The following NMNAT3 variants were observed in gnomAD, a reference collection of about 807,000 sequenced individuals.
NMNAT3 encodes the protein nicotinamide nucleotide adenylyltransferase 3.
In NMNAT3, 21 loss-of-function variants were observed where a neutral mutation model predicts 24.8. The ratio of observed to expected loss-of-function variants is 0.85; its 90% CI spans 0.60 to 1.22. The LOEUF (loss-of-function observed/expected upper bound fraction) is 1.22, where lower values mean the gene tolerates loss of function less well. Among genes scored for constraint, NMNAT3 ranks in the 50% most tolerant of loss-of-function variants. The pLI, the probability that NMNAT3 is intolerant of heterozygous loss-of-function variation, is 0.00. For missense variants in NMNAT3, 387 were observed against 436.6 expected (o/e 0.89, Z 1.01); for synonymous variants, 136 against 155.2 (o/e 0.88, Z 0.92).
At chr3:139,613,168 A>G (rs2055312419) in intron 3 of NMNAT3, among the ~76,000 whole-genome samples, 1 of 152,216 alleles carries the variant, frequency 6.6e-6, no homozygotes, top group African/African-American at 2.4e-5. Context: ...TCCGCACAGC[A>G]AAAGAAACTA....
intron 1 of NMNAT3, among the ~76,000 whole-genome samples, chr3:139,668,789 G>C (rs1431932863): frequency 2.0e-5 from 3 of 152,120 alleles, no homozygotes; most frequent in Admixed American, 2.0e-4. Context: ...ATCAGGCTTG[G>C]GTATCAGTCA....
At chr3:139,622,322 T>C (rs1416030986) in intron 3 of NMNAT3, among the ~76,000 whole-genome samples, 1 of 152,174 alleles carries the variant, frequency 6.6e-6, no homozygotes, top group Non-Finnish European at 1.5e-5. Flanking sequence ...TTTGCATTTC[T>C]CTGATGATTA....
At chr3:139,631,720 A>G (rs2056306335) in intron 2 of NMNAT3, among the ~76,000 whole-genome samples, 1 of 151,782 alleles carries the variant, frequency 6.6e-6, no homozygotes, top group South Asian at 2.1e-4. Context: ...CAAGCACAAC[A>G]TGCTGCTTCT....
intron 2 of NMNAT3, among the ~76,000 whole-genome samples, chr3:139,633,418 G>A (rs2056379433): frequency 6.6e-6 from 1 of 152,124 alleles, no homozygotes; most frequent in East Asian, 1.9e-4. Context: ...AACCTCAGGT[G>A]ATCTGCCTGC....
intron 3 of NMNAT3, among the ~76,000 whole-genome samples, chr3:139,591,717 C>T (rs1329925659): frequency 6.6e-6 from 1 of 152,190 alleles, no homozygotes; most frequent in Non-Finnish European, 1.5e-5. Context: ...AGACTGACAC[C>T]TCACAAGGCC....
At chr3:139,638,288 C>T (rs1212210040) in intron 1 of NMNAT3, among the ~76,000 whole-genome samples, 1 of 152,170 alleles carries the variant, frequency 6.6e-6, no homozygotes, top group Non-Finnish European at 1.5e-5. Context: ...CATCCAAGGA[C>T]CCTGATTCCT....
intron 3 of NMNAT3, among the ~76,000 whole-genome samples, chr3:139,612,558 T>C (rs143400518): frequency 6.6e-6 from 1 of 152,324 alleles, no homozygotes; most frequent in East Asian, 1.9e-4. Context: ...TCTAAATGCA[T>C]GCATCCCTCT....
intron 4 of NMNAT3, among the ~76,000 whole-genome samples, chr3:139,580,791 G>A (rs941636391): frequency 1.3e-5 from 2 of 151,288 alleles, no homozygotes; most frequent in African/African-American, 4.9e-5. Flanking sequence ...GAAATTTACT[G>A]GCATAAAGTT....
chr3:139,571,178 G>C (rs568961009), intron 6 of NMNAT3: 171 of 152,388 alleles, frequency 1.1e-3, no homozygotes, highest in African/African-American at 4.0e-3. Context: ...CTGGTGTGCC[G>C]TTTTTTAAGC....
intron 2 of NMNAT3, chr3:139,635,688 A>G (rs2108337881): frequency 6.6e-6 from 1 of 152,362 alleles, no homozygotes; most frequent in East Asian, 1.9e-4. Context: ...AGAAGGTTAT[A>G]ATCTAGCAGG....
intron 6 of NMNAT3, 111 bp from the exon 7 acceptor site, chr3:139,561,503 G>T: frequency 2.0e-6 from 2 of 980,916 alleles, no homozygotes. Flanking sequence ...CGAGAACTCA[G>T]TGTCTCCATG....
chr3:139,633,141 C>T (rs1023846249), intron 2 of NMNAT3, among the ~76,000 whole-genome samples: 41 of 151,984 alleles, frequency 2.7e-4, no homozygotes, highest in African/African-American at 8.9e-4. Context: ...AAACTTCTGA[C>T]CTACAAAACT....
At chr3:139,633,739 C>T (rs1010684668) in intron 2 of NMNAT3, among the ~76,000 whole-genome samples, 1 of 152,008 alleles carries the variant, frequency 6.6e-6, no homozygotes, top group African/African-American at 2.4e-5. Flanking sequence ...GTATGGCTCA[C>T]GTGTAGGCAG....
At chr3:139,564,141 C>G (rs1010765177) in intron 6 of NMNAT3, among the ~76,000 whole-genome samples, 5 of 152,142 alleles carry the variant, frequency 3.3e-5, no homozygotes, top group Admixed American at 3.3e-4. Context: ...TTTCTTCAGC[C>G]ATAAAATGGG....
intron 1 of NMNAT3, among the ~76,000 whole-genome samples, chr3:139,652,499 A>C (rs2108392961): frequency 6.6e-6 from 1 of 152,100 alleles, no homozygotes; most frequent in Admixed American, 6.5e-5. Flanking sequence ...ATTCGACCCC[A>C]CCCTGCCAGG....
At chr3:139,572,174 G>A (rs1938488424) in intron 6 of NMNAT3, 2 of 398,606 alleles carry the variant, frequency 5.0e-6, no homozygotes, top group South Asian at 1.3e-4. Context: ...CTCAGCCTGA[G>A]CCCAGAGTCT....
chr3:139,669,201 A>G (rs966051843), intron 1 of NMNAT3, among the ~76,000 whole-genome samples: 1 of 152,140 alleles, frequency 6.6e-6, no homozygotes, highest in African/African-American at 2.4e-5. Flanking sequence ...CACTGGGCGC[A>G]GTGGCTCATG....
intron 3 of NMNAT3, among the ~76,000 whole-genome samples, chr3:139,598,227 T>G (rs957942760): frequency 6.6e-6 from 1 of 152,126 alleles, no homozygotes; most frequent in Non-Finnish European, 1.5e-5. Flanking sequence ...CATCTCCTGG[T>G]TTACATGCTC....
At chr3:139,602,729 A>G (rs538217392) in intron 3 of NMNAT3, among the ~76,000 whole-genome samples, 1 of 152,354 alleles carries the variant, frequency 6.6e-6, no homozygotes, top group South Asian at 2.1e-4. Flanking sequence ...CTTTTCTATA[A>G]TGATCAAATT....
Sources: allele counts gnomAD v4.1 joint callset (sites outside exome capture counted in the v4.1 genomes callset), GRCh38; gene constraint gnomAD v4.1.1; transcripts MANE v1.5; gene names NCBI Gene and HGNC (gene_info 2026-07-23, HGNC 2026-07-21).